The following PRKG2 variants were observed in gnomAD, a reference collection of about 807,000 sequenced individuals.
PRKG2 encodes cGMP-dependent protein kinase 2.
Under a neutral mutation model 97.2 loss-of-function variants are expected in PRKG2, and 33 were observed. The ratio of observed to expected loss-of-function variants is 0.34; its 90% confidence interval spans 0.26 to 0.45. The LOEUF is 0.45. Ranked by LOEUF, PRKG2 falls within the 20% of genes least tolerant of loss-of-function variation. The pLI is 1.00. For synonymous variants in PRKG2, 330 were observed against 321.8 expected, an observed-to-expected ratio of 1.03 and a Z score of -0.27; for missense variants, 638 against 900.0, an observed-to-expected ratio of 0.71 and a Z score of 3.73.
At chr4:81,109,570 C>T (rs896361886) in intron 15 of PRKG2, among the ~76,000 whole-genome samples, 1 of 148,478 alleles carries the variant, frequency 6.7e-6, no homozygotes, top group Non-Finnish European at 1.5e-5. Context: ...TGTTACTGAT[C>T]TTGGACAGGT....
intron 6 of PRKG2, among the ~76,000 whole-genome samples, chr4:81,155,598 G>A (rs1232022080): frequency 6.6e-6 from 1 of 151,756 alleles, no homozygotes; most frequent in Non-Finnish European, 1.5e-5. Context: ...GATACTCCTC[G>A]AGAAGAGCAA....
chr4:81,209,467 C>A (rs1753855787), intron 1 of PRKG2, among the ~76,000 whole-genome samples: 2 of 152,118 alleles, frequency 1.3e-5, no homozygotes, highest in South Asian at 4.2e-4. Flanking sequence ...GTTATGGATC[C>A]AGAGTCCCAG....
intron 16 of PRKG2, 138 bp from the exon 17 acceptor site, chr4:81,104,570 T>G (rs570407446): frequency 2.8e-6 from 1 of 351,250 alleles, no homozygotes; most frequent in South Asian, 1.1e-4. Context: ...ATGCATGAAG[T>G]TGCTACTGTA....
chr4:81,104,409 C>T lies in PRKG2; in HGVS notation c.2087G>A (p.Gly696Glu). The change falls in exon 17 of 19, where the codon GGA becomes GAA. Residue 696 changes from glycine to glutamate, a missense_variant. This residue lies in a region of PRKG2 where 304 missense variants were observed against 460.5 expected (regional missense o/e 0.66). Transcript: ENST00000264399. ...LCRQNPTERL[G>E]NLKNGINDIK... is the part of the protein sequence containing the mutation. ...GTCATTTATTCCATTCTTCAGATTTCCCAGCCTTTCTGTTGGATTTTGCCT... is the reference window on the plus strand; with the variant it reads ...GTCATTTATTCCATTCTTCAGATTTTCCAGCCTTTCTGTTGGATTTTGCCT... The T allele has an allele frequency of 1.4e-6, 2 of 1,467,914 alleles. No individual in the cohort carries two copies. The highest frequency in any genetic ancestry group is 1.8e-6 in the Non-Finnish European group (2 of 1,105,220). 90.9% of individuals were successfully genotyped at this position (1,467,914 alleles called of 1,614,324 possible).
rs1388349838 is a variant in PRKG2, at chr4:81,210,300, T to C, written c.-14+4636A>G. On this transcript the variant is annotated intron_variant, in intron 1 of 18. Coordinates refer to ENST00000264399, the MANE Select transcript of PRKG2 (RefSeq NM_006259.3). Reference sequence around the variant, plus strand: ...AAGAAGAAAATGAAAAAACAAGCCATAGACTGAGAGAACGTACTTCTAAAA... The same window carrying C: ...AAGAAGAAAATGAAAAAACAAGCCACAGACTGAGAGAACGTACTTCTAAAA... Among the ~76,000 whole-genome samples, 3 of 151,128 alleles carry C rather than the reference T, an allele frequency of 2.0e-5. No homozygotes were observed. The East Asian group carries it at 5.8e-4, about 29-fold the overall frequency.
chr4:81,140,571 C>A lies in PRKG2; in HGVS notation c.1506G>T (p.Lys502Asn). Residue 502 changes from lysine to asparagine, a missense_variant, in exon 12 of 19, where the codon AAG becomes AAT. Physicochemically the swap from Lys to Asn is moderately conservative, Grantham distance 94 (BLOSUM62 0). Coordinates refer to ENST00000264399, the MANE Select transcript of PRKG2 (RefSeq NM_006259.3). ...GAGAGCACAGCTCCTCTAGGATCCT[C>A]TTCTCTGAGTAGACATGCTCCTGCT... is the stretch of plus-strand genomic sequence containing the variant. ...TKQQEHVYSEKRILEELCSPF... is the reference protein window; with the variant it reads ...TKQQEHVYSENRILEELCSPF... The A allele has an allele frequency of 7.4e-6, 12 of 1,611,438 alleles. No homozygotes were observed. Among genetic ancestry groups the A allele is most frequent in the Non-Finnish European group, 9.3e-6 (11 of 1,178,182 alleles).
At chr4:81,099,516 T>C (rs944733989) in intron 17 of PRKG2, among the ~76,000 whole-genome samples, 11 of 152,146 alleles carry the variant, frequency 7.2e-5, no homozygotes, top group Non-Finnish European at 1.5e-4. Context: ...TCAACAACGC[T>C]TCATGCTAAA....
rs1338254370 is a variant in PRKG2, at chr4:81,089,781, C to T, written c.2216G>A (p.Ser739Asn). 1 of 1,611,760 alleles carries T rather than the reference C, an allele frequency of 6.2e-7. No individual in the cohort carries two copies. The highest frequency in any genetic ancestry group is 1.1e-5 in the South Asian group (1 of 91,030). The change falls in exon 19 of 19, where the codon AGC (serine) becomes AAC (asparagine). Residue 739 changes from serine (S) to asparagine (N), a missense_variant. By Grantham distance (46) the Ser-to-Asn change is conservative. This residue lies in a region of PRKG2 where 304 missense variants were observed against 460.5 expected (regional missense o/e 0.66). Coordinates refer to ENST00000264399, the MANE Select transcript of PRKG2 (RefSeq NM_006259.3). Reference sequence around the variant, plus strand: ...TTCAGGAGGATATTTGTCAAAGTAGCTGTGATCTATGGGTCCCTTGAGCTA... The same window carrying T: ...TTCAGGAGGATATTTGTCAAAGTAGTTGTGATCTATGGGTCCCTTGAGCTA... ...QRELKGPIDH[S>N]YFDKYPPEKG...
chr4:81,132,130 C>T (rs1560565233), intron 14 of PRKG2, among the ~76,000 whole-genome samples: 2 of 151,586 alleles, frequency 1.3e-5, no homozygotes, highest in African/African-American at 4.8e-5. Flanking sequence ...ATACTTTTTA[C>T]ATATGAAATT....
chr4:81,154,678 G>A (rs1260011823), intron 6 of PRKG2, among the ~76,000 whole-genome samples: 7 of 152,212 alleles, frequency 4.6e-5, no homozygotes, highest in South Asian at 2.1e-4. Context: ...AAAAAACAGA[G>A]CAGAAAAACT....
chr4:81,151,513 C>T (rs1301605169), intron 8 of PRKG2, among the ~76,000 whole-genome samples: 1 of 151,898 alleles, frequency 6.6e-6, no homozygotes, highest in East Asian at 1.9e-4. Context: ...TTAAAACTTG[C>T]AAAACGAGCT....
chr4:81,166,181 A>G (rs1749967280), intron 6 of PRKG2, among the ~76,000 whole-genome samples: 1 of 152,060 alleles, frequency 6.6e-6, no homozygotes, highest in Non-Finnish European at 1.5e-5. Context: ...AAATGGAAAC[A>G]CTGCTGGTGT....
chr4:81,216,597 G>C (rs1207988117), upstream of PRKG2, among the ~76,000 whole-genome samples: 1 of 152,080 alleles, frequency 6.6e-6, no homozygotes, highest in Non-Finnish European at 1.5e-5. Flanking sequence ...ATAACACATA[G>C]TGGTGAGGTC....
At chr4:81,151,515 A>G (rs951506219) in intron 8 of PRKG2, among the ~76,000 whole-genome samples, 1 of 152,138 alleles carries the variant, frequency 6.6e-6, no homozygotes, top group African/African-American at 2.4e-5. Context: ...AAAACTTGCA[A>G]AACGAGCTGA....
rs181414909 is a variant in PRKG2 at position 81,201,945 on chromosome 4, T to C, written c.461+2642A>G. Among the ~76,000 whole-genome samples the C allele has an allele frequency of 2.3e-3, 355 of 152,298 alleles. 3 individuals are homozygous for C. In the Middle Eastern group the frequency reaches 0.027, roughly 12 times the overall value. On this transcript the variant is annotated intron_variant, in intron 2 of 18. Coordinates refer to ENST00000264399, the MANE Select transcript of PRKG2 (RefSeq NM_006259.3). Reference sequence around the variant, plus strand: ...ATGTGTATATTAATAGAAACAGATTTAGCCATAAATTCAGCCAGGATACTT... The same window carrying C: ...ATGTGTATATTAATAGAAACAGATTCAGCCATAAATTCAGCCAGGATACTT...
intron 6 of PRKG2, among the ~76,000 whole-genome samples, chr4:81,157,304 C>T (rs1047058591): frequency 1.3e-5 from 2 of 152,156 alleles, no homozygotes; most frequent in Non-Finnish European, 2.9e-5. Flanking sequence ...ACAAACACCT[C>T]TACGCAAATA....
chr4:81,090,881 T>C (rs1741465739), intron 18 of PRKG2, among the ~76,000 whole-genome samples: 1 of 152,200 alleles, frequency 6.6e-6, no homozygotes, highest in Non-Finnish European at 1.5e-5. Context: ...ATAAATAATA[T>C]CTATCCATAG....
rs536510515 is a variant in PRKG2 at position 81,187,329 on chromosome 4, A to T, written c.462-12370T>A. 4.6e-4 allele frequency among the ~76,000 whole-genome samples: 70 copies of T among 152,318 alleles called. 1 individual carries two copies. Among genetic ancestry groups the T allele is most frequent in the African/African-American group, 1.4e-3 (58 of 41,568 alleles). On this transcript the variant is annotated intron_variant, in intron 2 of 18. Coordinates refer to ENST00000264399, the MANE Select transcript of PRKG2 (RefSeq NM_006259.3). The stretch of plus-strand genomic sequence containing the variant: ...TGCAAGGCTGGTTCAACATATGCAA[A>T]TCAAAAAATGTAATCCATCACATAA...
chr4:81,209,642 C>G (rs1753866851), intron 1 of PRKG2, among the ~76,000 whole-genome samples: 1 of 152,058 alleles, frequency 6.6e-6, no homozygotes, highest in Non-Finnish European at 1.5e-5. Context: ...AAATTTAGCA[C>G]AGGTATTAGC....
Sources: allele counts gnomAD v4.1 joint callset (sites outside exome capture counted in the v4.1 genomes callset), GRCh38; gene constraint gnomAD v4.1.1; regional missense constraint gnomAD v4.1.1; transcripts MANE v1.5; gene names NCBI Gene and HGNC (gene_info 2026-07-23, HGNC 2026-07-21).